The following PLXNC1 variants were observed in gnomAD, a reference collection of about 807,000 sequenced individuals.
PLXNC1 encodes plexin C1, also known as plexin-C1.
A neutral mutation model predicts 178.2 loss-of-function variants in PLXNC1; 75 were observed. The observed-to-expected ratio is 0.42, with a 90% CI of 0.35 to 0.51. The LOEUF (loss-of-function observed/expected upper bound fraction) is 0.51. PLXNC1 is among the 20% of genes least tolerant of loss of function. The pLI is 0.02. For missense variants in PLXNC1, 1,503 were observed against 1,984.4 expected (o/e 0.76, Z 4.61); for synonymous variants, 790 against 779.9 (o/e 1.01, Z -0.22).
intron 5 of PLXNC1, among the ~76,000 whole-genome samples, chr12:94,219,612 A>G (rs1472947868): frequency 6.6e-6 from 1 of 152,182 alleles, no homozygotes; most frequent in Non-Finnish European, 1.5e-5. Flanking sequence ...TTACAAGACA[A>G]ACAATAGATT....
chr12:94,225,394 C>A (rs765570500), intron 7 of PLXNC1, among the ~76,000 whole-genome samples: 1 of 152,096 alleles, frequency 6.6e-6, no homozygotes, highest in East Asian at 1.9e-4. Context: ...AGAACAGGAG[C>A]CCCTGGGCCT....
rs112387801 is a variant in PLXNC1, at chr12:94,274,189, T to A, written c.3598-5283T>A. On this transcript the variant is annotated intron_variant, in intron 21 of 30. Transcript: ENST00000258526. ...AAAAAAAAAAAAAAAAAAAAAAAAT[T>A]TAGCCAAGCATGGCAGTGTGCACCT... is the stretch of plus-strand genomic sequence containing the variant. Among the ~76,000 whole-genome samples the A allele has an allele frequency of 2.0e-3, 216 of 110,190 alleles. 2 individuals are homozygous for A. Among genetic ancestry groups the A allele is most frequent in the African/African-American group, 8.3e-3 (202 of 24,242 alleles). The allele number at this position is 110,190 out of a possible 152,430, so 72.3% of individuals were successfully genotyped here. A position where few individuals can be genotyped will look rare whatever the true frequency, so the allele number is the denominator to read the frequency against.
intron 10 of PLXNC1, among the ~76,000 whole-genome samples, chr12:94,238,462 CT>C (rs1964298205): frequency 6.7e-6 from 1 of 148,634 alleles, no homozygotes; most frequent in Non-Finnish European, 1.5e-5. Flanking sequence ...TACCGATGTC[CT>C]TGTGCAAATG....
In PLXNC1 at chr12:94,177,501, A is replaced by G. The variant is rs535712940; in HGVS notation, c.1204-3945A>G. Among the ~76,000 whole-genome samples, 4 of 146,830 alleles carry G rather than the reference A, an allele frequency of 2.7e-5. No homozygotes were observed. The South Asian group carries it at 6.5e-4, about 24-fold the overall frequency. Reference sequence around the variant, plus strand: ...ACTTGTAAAAAAAGAAAGAAAGAAAAACAAAGAAAGAAAGAGAGAGAGAGG... The same window carrying G: ...ACTTGTAAAAAAAGAAAGAAAGAAAGACAAAGAAAGAAAGAGAGAGAGAGG... On this transcript the variant is annotated intron_variant, in intron 2 of 30. Coordinates refer to ENST00000258526, the MANE Select transcript of PLXNC1 (RefSeq NM_005761.3).
At chr12:94,155,951 C>CA (rs1565784262) in intron 1 of PLXNC1, among the ~76,000 whole-genome samples, 1 of 152,190 alleles carries the variant, frequency 6.6e-6, no homozygotes, top group Admixed American at 6.5e-5. Flanking sequence ...CATGGAATTA[C>CA]ATGGTAATCT....
chr12:94,225,546 G>A (rs982053976), intron 7 of PLXNC1, among the ~76,000 whole-genome samples: 10 of 152,140 alleles, frequency 6.6e-5, no homozygotes, highest in South Asian at 4.2e-4. Context: ...AGGAAAAAAG[G>A]GTGTGAATTA....
intron 7 of PLXNC1, among the ~76,000 whole-genome samples, chr12:94,225,558 A>G (rs976869864): frequency 6.6e-6 from 1 of 152,234 alleles, no homozygotes; most frequent in Non-Finnish European, 1.5e-5. Context: ...TGTGAATTAA[A>G]TAGAATTATA....
In PLXNC1 at chr12:94,148,992, G is replaced by A. The variant is rs1444273844; in HGVS notation, c.21G>A (p.Lys7=). 6.9e-7 allele frequency: 1 copy of A among 1,446,180 alleles called. No individual in the cohort carries two copies. The allele number at this position is 1,446,180 out of a possible 1,614,324, so 89.6% of individuals were successfully genotyped here. A position where few individuals can be genotyped will look rare whatever the true frequency, so the allele number is the denominator to read the frequency against. Residue 7 remains lysine (K), a synonymous_variant, in exon 1 of 31, where the codon AAG becomes AAA. Coordinates refer to ENST00000258526, the MANE Select transcript of PLXNC1 (RefSeq NM_005761.3). The surrounding 1 kb of genome is among the most constrained non-coding windows in gnomAD (Gnocchi z 4.8). MEVSRR[K]APPRPPRPAA... is the part of the protein sequence containing the mutation. ...GCCCCATGGAGGTCTCCCGGAGGAAGGCGCCGCCGCGCCCCCCGCGCCCCG... is the reference window on the plus strand; with the variant it reads ...GCCCCATGGAGGTCTCCCGGAGGAAAGCGCCGCCGCGCCCCCCGCGCCCCG...
At position 94,297,302 on chromosome 12, in the gene PLXNC1, T is replaced by C. The variant is rs369282598; in HGVS notation, c.3967-14T>C. 110 of 1,613,100 alleles carry C rather than the reference T, an allele frequency of 6.8e-5. No individual in the cohort carries two copies. In the African/African-American group the frequency reaches 1.4e-3, roughly 20 times the overall value. ...TGGTCTCCTTGGGTAACGCTTCTGCTGTCTTCCCTTCAGATTTTACCAGAT... is the reference window on the plus strand; with the variant it reads ...TGGTCTCCTTGGGTAACGCTTCTGCCGTCTTCCCTTCAGATTTTACCAGAT... On this transcript the variant is annotated splice_polypyrimidine_tract_variant and intron_variant, in intron 25 of 30. Coordinates refer to ENST00000258526, the MANE Select transcript of PLXNC1 (RefSeq NM_005761.3).
At chr12:94,233,918 G>A (rs544152919) in intron 9 of PLXNC1, among the ~76,000 whole-genome samples, 1 of 151,978 alleles carries the variant, frequency 6.6e-6, no homozygotes, top group South Asian at 2.1e-4. Flanking sequence ...ATCCTGAACC[G>A]AATACTCACT....
intron 23 of PLXNC1, among the ~76,000 whole-genome samples, chr12:94,284,642 A>G (rs1038066639): frequency 4.0e-5 from 6 of 151,890 alleles, no homozygotes; most frequent in Admixed American, 1.3e-4. Flanking sequence ...GGGTACGATG[A>G]GGCTCTGGGA....
chr12:94,167,012 G>C (rs980897220), intron 1 of PLXNC1, among the ~76,000 whole-genome samples: 1 of 151,968 alleles, frequency 6.6e-6, no homozygotes, highest in African/African-American at 2.4e-5. Context: ...CGATCCTCTC[G>C]CCTCAGTTAC....
At chr12:94,231,476 A>G (rs1431650430) in intron 9 of PLXNC1, among the ~76,000 whole-genome samples, 3 of 152,170 alleles carry the variant, frequency 2.0e-5, no homozygotes, top group South Asian at 2.1e-4. Flanking sequence ...ATGCCATTCA[A>G]GGTATCTTAT....
intron 1 of PLXNC1, among the ~76,000 whole-genome samples, chr12:94,164,832 GAA>G (rs1246197392): frequency 6.6e-6 from 1 of 152,130 alleles, no homozygotes; most frequent in Non-Finnish European, 1.5e-5. Flanking sequence ...CTCCAACTGA[GAA>G]AAGTTTCCCT....
intron 1 of PLXNC1, among the ~76,000 whole-genome samples, chr12:94,160,705 G>A (rs1961352839): frequency 6.6e-6 from 1 of 152,186 alleles, no homozygotes; most frequent in Admixed American, 6.5e-5. Context: ...ACCCTGCAGA[G>A]CTCTTGTGCT....
chr12:94,251,277 A>T, intron 14 of PLXNC1, 149 bp from the exon 15 acceptor site: 1 of 613,880 alleles, frequency 1.6e-6, no homozygotes, highest in Non-Finnish European at 2.9e-6. Flanking sequence ...ACACATAGCT[A>T]ATCTGCCACA....
intron 4 of PLXNC1, among the ~76,000 whole-genome samples, chr12:94,187,607 C>G (rs888713017): frequency 2.6e-5 from 4 of 152,086 alleles, no homozygotes; most frequent in African/African-American, 9.7e-5. Flanking sequence ...TGATCACGAA[C>G]GGGATTTGTT....
chr12:94,198,961 G>A (rs1963024475), intron 4 of PLXNC1, among the ~76,000 whole-genome samples: 2 of 152,174 alleles, frequency 1.3e-5, no homozygotes, highest in Non-Finnish European at 2.9e-5. Context: ...ACTCTTTAAC[G>A]CACAACATGA....
intron 15 of PLXNC1, 64 bp from the exon 16 acceptor site, chr12:94,254,723 A>C: frequency 8.8e-7 from 1 of 1,131,386 alleles, no homozygotes; most frequent in Non-Finnish European, 1.3e-6. Flanking sequence ...AAAGATTGCT[A>C]TTTGTTTTCA....
Sources: allele counts gnomAD v4.1 joint callset (sites outside exome capture counted in the v4.1 genomes callset), GRCh38; gene constraint gnomAD v4.1.1; non-coding constraint Gnocchi (gnomAD v3.1); transcripts MANE v1.5; gene names NCBI Gene and HGNC (gene_info 2026-07-23, HGNC 2026-07-21).